Variants in USH2A observed in about 807,000 individuals in gnomAD.
USH2A encodes Usher syndrome 2A (autosomal recessive, mild).
Under a neutral mutation model 538.9 loss-of-function variants are expected in USH2A, and 443 were observed. The observed-to-expected ratio is 0.82, with a 90% CI of 0.76 to 0.89. The LOEUF is 0.89. USH2A is among the 40% of genes least tolerant of loss of function. The probability of loss-of-function intolerance (pLI) is 0.00; values close to 1 mark genes in which losing one functional copy is unlikely to be tolerated. For synonymous variants in USH2A, 2,413 were observed against 2,273.5 expected, an observed-to-expected ratio of 1.06 and a Z score of -1.75; for missense variants, 6,633 against 6,324.8, an observed-to-expected ratio of 1.05 and a Z score of -1.65.
intron 11 of USH2A, among the ~76,000 whole-genome samples, chr1:216,270,397 A>G (rs1363379608): frequency 6.6e-6 from 1 of 152,178 alleles, no homozygotes; most frequent in Non-Finnish European, 1.5e-5. Context: ...TCATTTAATC[A>G]ATGCATATAT....
chr1:215,759,794 T>C lies in USH2A; in HGVS notation c.11097A>G (p.Glu3699=), dbSNP rs2102742300. 4 of 1,614,054 alleles carry C rather than the reference T, an allele frequency of 2.5e-6. No homozygotes were observed. The highest frequency in any genetic ancestry group is 3.4e-6 in the Non-Finnish European group (4 of 1,179,938). ...GCTTTTCTGGCAGACTCCAATATAA[T>C]TCCACTGTTGTAGAATTGATGATAA... ...RHIIINSTTV[E]LYWSLPEKPN... Residue 3699 remains glutamate, a synonymous_variant, in exon 57 of 72, where the codon GAA becomes GAG. Transcript: ENST00000307340.
Position 215,998,877 on chromosome 1 carries a change from A to G in USH2A, c.6657+10T>C. 2 of 1,612,442 alleles carry G rather than the reference A, an allele frequency of 1.2e-6. No homozygotes were observed. The highest frequency in any genetic ancestry group is 8.5e-7 in the Non-Finnish European group (1 of 1,178,862). ...AATGGGGACAGAGAAAGTGATGGAA[A>G]TAAACTTACTCCCAGCTTGATGAGA... On this transcript the variant is annotated intron_variant, in intron 34 of 71. Transcript: ENST00000307340.
At chr1:215,894,174 TTG>T (rs1665269677) in intron 40 of USH2A, among the ~76,000 whole-genome samples, 1 of 152,178 alleles carries the variant, frequency 6.6e-6, no homozygotes, top group African/African-American at 2.4e-5. Context: ...AGCAAAATAG[TTG>T]TGTAGCACTA....
intron 21 of USH2A, among the ~76,000 whole-genome samples, chr1:216,102,778 C>A (rs1404162804): frequency 1.3e-5 from 2 of 151,878 alleles, no homozygotes. Context: ...CCAGCCTGGG[C>A]GACAGAACGA....
intron 69 of USH2A, among the ~76,000 whole-genome samples, chr1:215,637,237 G>A (rs1558032540): frequency 6.6e-6 from 1 of 152,138 alleles, no homozygotes. Flanking sequence ...GAGCAACCTT[G>A]GTTTTCCGGC....
intron 30 of USH2A, among the ~76,000 whole-genome samples, chr1:216,052,898 C>A (rs2102530750): frequency 1.3e-5 from 2 of 152,318 alleles, no homozygotes; most frequent in Admixed American, 1.3e-4. Context: ...CCTTTGAGAT[C>A]ATTGAGTGGT....
intron 3 of USH2A, among the ~76,000 whole-genome samples, chr1:216,377,244 C>T (rs2038838950): frequency 6.6e-6 from 1 of 152,054 alleles, no homozygotes; most frequent in Non-Finnish European, 1.5e-5. Flanking sequence ...ATTATTGTGG[C>T]CATTGTTTCA....
chr1:215,851,380 C>A (rs1371717108), intron 44 of USH2A, among the ~76,000 whole-genome samples: 1 of 152,030 alleles, frequency 6.6e-6, no homozygotes. Flanking sequence ...ACAACTGATA[C>A]CACAGAAATA....
chr1:215,730,545 GCTGAAAAATTCA>G (rs1659964565), intron 60 of USH2A, among the ~76,000 whole-genome samples: 1 of 152,160 alleles, frequency 6.6e-6, no homozygotes, highest in African/African-American at 2.4e-5. Flanking sequence ...CTCTTCAGAT[GCTGAAAAATTCA>G]CATGCTGCCA....
intron 11 of USH2A, among the ~76,000 whole-genome samples, chr1:216,264,310 T>C (rs2036429736): frequency 6.6e-6 from 1 of 152,078 alleles, no homozygotes; most frequent in African/African-American, 2.4e-5. Flanking sequence ...CAATTTTTTT[T>C]TTTTTGAGGT....
intron 21 of USH2A, among the ~76,000 whole-genome samples, chr1:216,104,100 G>A (rs1012953344): frequency 1.3e-5 from 2 of 150,880 alleles, no homozygotes; most frequent in African/African-American, 2.4e-5. Context: ...AAGTTTTAGG[G>A]TACATGTGCA....
At chr1:216,353,675 A>T (rs899903700) in intron 4 of USH2A, among the ~76,000 whole-genome samples, 1 of 152,142 alleles carries the variant, frequency 6.6e-6, no homozygotes, top group Non-Finnish European at 1.5e-5. Context: ...AGTTAAGTAT[A>T]GACAGAGTTG....
chr1:216,346,470 T>C (rs1025335578), intron 4 of USH2A, among the ~76,000 whole-genome samples: 4 of 152,058 alleles, frequency 2.6e-5, no homozygotes, highest in African/African-American at 9.7e-5. Context: ...CACTTTACAT[T>C]AGGAAAGAGC....
chr1:216,343,375 A>T (rs76864801), intron 4 of USH2A, among the ~76,000 whole-genome samples: 1 of 149,226 alleles, frequency 6.7e-6, no homozygotes, highest in Non-Finnish European at 1.5e-5. Flanking sequence ...TCTCTACAAA[A>T]AAAAAAAAAA....
intron 47 of USH2A, among the ~76,000 whole-genome samples, chr1:215,818,260 A>G (rs1036515569): frequency 1.3e-5 from 2 of 151,824 alleles, no homozygotes; most frequent in African/African-American, 4.8e-5. Context: ...AGTCAACTAT[A>G]TATCTAGAGC....
At chr1:216,218,216 T>C (rs984378815) in intron 14 of USH2A, among the ~76,000 whole-genome samples, 3 of 152,146 alleles carry the variant, frequency 2.0e-5, no homozygotes, top group Non-Finnish European at 4.4e-5. Flanking sequence ...GACATAAATA[T>C]AGTAAGATAA....
At chr1:216,294,988 T>C (rs2037075409) in intron 9 of USH2A, among the ~76,000 whole-genome samples, 1 of 151,860 alleles carries the variant, frequency 6.6e-6, no homozygotes, top group Non-Finnish European at 1.5e-5. Context: ...TACAGTTATA[T>C]TTATTTCCTT....
Position 216,140,333 on chromosome 1 carries a change from A to C in USH2A, c.4627+34919T>G, listed in dbSNP as rs139018217. 3.8e-3 allele frequency among the ~76,000 whole-genome samples: 583 copies of C among 152,312 alleles called. 1 individual carries two copies. Among genetic ancestry groups the C allele is most frequent in the African/African-American group, 0.014 (563 of 41,560 alleles). ...ATGCTCAATAAATAACTTTGAATGA[A>C]GATGAATAATTTATATAAAATATTG... On this transcript the variant is annotated intron_variant, in intron 21 of 71. Coordinates refer to ENST00000307340, the MANE Select transcript of USH2A (RefSeq NM_206933.4).
intron 61 of USH2A, among the ~76,000 whole-genome samples, chr1:215,723,795 T>C (rs1013933450): frequency 6.6e-6 from 1 of 152,158 alleles, no homozygotes; most frequent in Non-Finnish European, 1.5e-5. Flanking sequence ...TAAGTAGATC[T>C]AGGGAAGTAC....
Sources: allele counts gnomAD v4.1 joint callset (sites outside exome capture counted in the v4.1 genomes callset), GRCh38; gene constraint gnomAD v4.1.1; transcripts MANE v1.5; gene names NCBI Gene and HGNC (gene_info 2026-07-23, HGNC 2026-07-21).